The following USP37 variants were observed in gnomAD, a reference collection of about 807,000 sequenced individuals.
USP37 encodes the protein ubiquitin carboxyl-terminal hydrolase 37.
In USP37, 27 loss-of-function variants were observed where a neutral mutation model predicts 124.0. The observed-to-expected ratio is 0.22, with a 90% CI of 0.16 to 0.30. USP37 has a LOEUF of 0.30. Ranked by LOEUF, USP37 falls within the 10% of genes least tolerant of loss-of-function variation. The pLI is 1.00. For synonymous variants in USP37, 365 were observed against 388.0 expected (o/e 0.94, Z 0.70); for missense variants, 889 against 1,140.4 (o/e 0.78, Z 3.17).
chr2:218,474,492 G>C (rs892162982), intron 20 of USP37, 138 bp downstream of exon 20: 17 of 1,273,984 alleles, frequency 1.3e-5, no homozygotes, highest in Non-Finnish European at 1.7e-5. Flanking sequence ...CTCCCGAGTA[G>C]CTGGGATTAG....
intron 6 of USP37, among the ~76,000 whole-genome samples, chr2:218,547,583 C>CAAAAAAAAAAAAAAAAA (rs58787835): frequency 1.4e-5 from 1 of 71,612 alleles, no homozygotes; most frequent in African/African-American, 4.3e-5. Flanking sequence ...AATTACTAAC[C>CAAAAAAAAAAAAAAAAA]AAAAAAAAAA....
chr2:218,481,562 T>A (rs948686789), intron 17 of USP37, among the ~76,000 whole-genome samples: 2 of 152,104 alleles, frequency 1.3e-5, no homozygotes, highest in Non-Finnish European at 2.9e-5. Flanking sequence ...GAAAAGCAAC[T>A]AATAACTTTG....
At chr2:218,455,345 A>G (rs905364072) in intron 25 of USP37, among the ~76,000 whole-genome samples, 6 of 152,180 alleles carry the variant, frequency 3.9e-5, no homozygotes, top group Non-Finnish European at 8.8e-5. Flanking sequence ...AAACTGTCTT[A>G]ACTTCCATAC....
At chr2:218,522,275 ATT>A (rs1690696139) in intron 10 of USP37, among the ~76,000 whole-genome samples, 1 of 152,042 alleles carries the variant, frequency 6.6e-6, no homozygotes, top group Admixed American at 6.5e-5. Context: ...AAGAAATAGA[ATT>A]TAAGGCTGAG....
intron 10 of USP37, chr2:218,528,648 C>A (rs1691117986): frequency 7.2e-6 from 3 of 414,202 alleles, no homozygotes; most frequent in Non-Finnish European, 1.3e-5. Flanking sequence ...ATATATATGC[C>A]ACATTTTCTT....
At chr2:218,550,466 A>T (rs497983) in intron 5 of USP37, among the ~76,000 whole-genome samples, 3 of 151,864 alleles carry the variant, frequency 2.0e-5, no homozygotes, top group South Asian at 4.2e-4. Flanking sequence ...GCCAATTTCC[A>T]ACTGATGACC....
chr2:218,511,833 T>G (rs2106004759), intron 10 of USP37, among the ~76,000 whole-genome samples: 1 of 151,950 alleles, frequency 6.6e-6, no homozygotes, highest in South Asian at 2.1e-4. Context: ...TTAAGATTTT[T>G]GTATCTTGTA....
intron 11 of USP37, among the ~76,000 whole-genome samples, chr2:218,505,336 C>T (rs965882718): frequency 6.6e-6 from 1 of 152,070 alleles, no homozygotes; most frequent in African/African-American, 2.4e-5. Context: ...TGTTTATATA[C>T]CATTCTTTTA....
intron 3 of USP37, among the ~76,000 whole-genome samples, chr2:218,559,749 C>G (rs768248924): frequency 1.3e-5 from 2 of 152,106 alleles, no homozygotes; most frequent in African/African-American, 4.8e-5. Flanking sequence ...TGCCTGTAAT[C>G]CCAGCACTTT....
At chr2:218,492,908 G>A (rs1315663422) in intron 14 of USP37, among the ~76,000 whole-genome samples, 1 of 152,054 alleles carries the variant, frequency 6.6e-6, no homozygotes, top group Non-Finnish European at 1.5e-5. Context: ...TAGATGCTGA[G>A]GTGGGAAGGA....
intron 5 of USP37, among the ~76,000 whole-genome samples, chr2:218,551,022 A>G (rs1241495394): frequency 6.6e-6 from 1 of 152,104 alleles, no homozygotes; most frequent in East Asian, 1.9e-4. Context: ...TCCAGAGATT[A>G]TGTTAAAAGT....
At chr2:218,542,086 T>C (rs139426574) in intron 8 of USP37, among the ~76,000 whole-genome samples, 26 of 152,268 alleles carry the variant, frequency 1.7e-4, no homozygotes, top group African/African-American at 6.3e-4. Context: ...CCCTGCTAGA[T>C]CAAGACGAAG....
chr2:218,566,757 G>A (rs1232862567), intron 1 of USP37, among the ~76,000 whole-genome samples: 1 of 152,170 alleles, frequency 6.6e-6, no homozygotes, highest in Non-Finnish European at 1.5e-5. Flanking sequence ...TTTAAGGACT[G>A]TGGCTTAAAC....
Position 218,567,509 on chromosome 2 carries a change from G to A in USP37, c.-230+669C>T, listed in dbSNP as rs138227838. ...ATCTCCAAACCCACTATATCCAACT[G>A]CCTACTTGACATTCCCTCTCAGGTA... is the stretch of plus-strand genomic sequence containing the variant. On this transcript the variant is annotated intron_variant, in intron 1 of 25. Coordinates refer to ENST00000258399, the MANE Select transcript of USP37 (RefSeq NM_020935.3). Among the ~76,000 whole-genome samples, 11 of 152,144 alleles carry A rather than the reference G, an allele frequency of 7.2e-5. No individual in the cohort carries two copies. In the East Asian group the frequency reaches 2.1e-3, roughly 29 times the overall value.
In USP37 at chr2:218,452,156, G is replaced by C. The variant is rs1343346281; in HGVS notation, c.*2774C>G. ...AAATTCCAACAAAGATCAAAAGGTT[G>C]TATCTAGAACTAATTGCCATCAAGT... is the stretch of plus-strand genomic sequence containing the variant. On this transcript the variant is annotated 3_prime_UTR_variant, in exon 26 of 26. Transcript: ENST00000258399. 6.6e-6 allele frequency: 1 copy of C among 152,194 alleles called. No individual in the cohort carries two copies. The highest frequency in any genetic ancestry group is 2.4e-5 in the African/African-American group (1 of 41,424). 9.4% of individuals were successfully genotyped at this position (152,194 alleles called of 1,614,324 possible). A position where few individuals can be genotyped will look rare whatever the true frequency, so the allele number is the denominator to read the frequency against.
At chr2:218,532,143 G>C (rs952907835) in intron 9 of USP37, among the ~76,000 whole-genome samples, 1 of 152,092 alleles carries the variant, frequency 6.6e-6, no homozygotes, top group Non-Finnish European at 1.5e-5. Context: ...ATGAAACGAA[G>C]AGTCAATCAG....
intron 24 of USP37, among the ~76,000 whole-genome samples, 165 bp from the exon 25 acceptor site, chr2:218,455,883 T>C (rs952504674): frequency 9.9e-5 from 15 of 151,700 alleles, no homozygotes; most frequent in Admixed American, 2.6e-4. Context: ...CCGTCTCTAC[T>C]AAAAATACAA....
chr2:218,469,977 T>C (rs998400916), intron 20 of USP37, among the ~76,000 whole-genome samples: 2 of 151,904 alleles, frequency 1.3e-5, no homozygotes, highest in Non-Finnish European at 2.9e-5. Flanking sequence ...ACCGCCACCA[T>C]GCCTGGCTAA....
chr2:218,484,020 G>A (rs1392815636), intron 16 of USP37, among the ~76,000 whole-genome samples: 8 of 152,096 alleles, frequency 5.3e-5, no homozygotes, highest in African/African-American at 1.9e-4. Flanking sequence ...TTAGCCAGGC[G>A]TGGTGGCGCG....
Sources: allele counts gnomAD v4.1 joint callset (sites outside exome capture counted in the v4.1 genomes callset), GRCh38; gene constraint gnomAD v4.1.1; transcripts MANE v1.5; gene names NCBI Gene and HGNC (gene_info 2026-07-23, HGNC 2026-07-21).